RAB6B: variants seen among roughly 807,000 people sequenced by gnomAD.
RAB6B encodes the protein RAB6B, member RAS oncogene family.
A neutral mutation model predicts 31.2 loss-of-function variants in RAB6B; 7 were observed. The observed-to-expected ratio is 0.22, with a 90% CI of 0.13 to 0.42. RAB6B has a LOEUF of 0.42. RAB6B is among the 10% of genes least tolerant of loss of function. The pLI is 1.00. For missense variants in RAB6B, 149 were observed against 280.6 expected (o/e 0.53, Z 3.35); for synonymous variants, 105 against 104.9 (o/e 1.00, Z -0.01).
chr3:133,844,960 G>A (rs1435763391), intron 2 of RAB6B, among the ~76,000 whole-genome samples: 12 of 130,930 alleles, frequency 9.2e-5, no homozygotes, highest in Non-Finnish European at 3.3e-5. Context: ...AAAAAAAAAA[G>A]TAGGTAGGAG....
At chr3:133,863,998 AC>A (rs1936198178) in intron 2 of RAB6B, among the ~76,000 whole-genome samples, 1 of 151,820 alleles carries the variant, frequency 6.6e-6, no homozygotes. Flanking sequence ...CCTCTGGTTG[AC>A]CCCAGACTAC....
chr3:133,865,424 C>T (rs978402720), intron 1 of RAB6B, among the ~76,000 whole-genome samples: 4 of 152,262 alleles, frequency 2.6e-5, no homozygotes, highest in African/African-American at 7.2e-5. Context: ...CTTCTGACCT[C>T]ACCCTGTGCA....
chr3:133,839,963 A>C (rs1322951061), intron 4 of RAB6B, among the ~76,000 whole-genome samples: 1 of 151,954 alleles, frequency 6.6e-6, no homozygotes, highest in Non-Finnish European at 1.5e-5. Context: ...GGAGAGTGAG[A>C]ACTGGGTCAC....
chr3:133,834,706 C>T lies in RAB6B; in HGVS notation c.496-65G>A, dbSNP rs1287254984. On this transcript the variant is annotated intron_variant, in intron 6 of 7. Coordinates refer to ENST00000285208, the MANE Select transcript of RAB6B (RefSeq NM_016577.4). ...GCCCTCCCCTCTGCTCCTCACTGCA[C>T]CTGCACCCTCACCCCTCTTCCCCTC... 5 of 1,435,918 alleles carry T rather than the reference C, an allele frequency of 3.5e-6. No individual in the cohort carries two copies. In the African/African-American group the frequency reaches 7.0e-5, roughly 20 times the overall value. 88.9% of individuals were successfully genotyped at this position (1,435,918 alleles called of 1,614,324 possible). A position where few individuals can be genotyped will look rare whatever the true frequency, so the allele number is the denominator to read the frequency against.
intron 2 of RAB6B, among the ~76,000 whole-genome samples, chr3:133,855,428 C>G (rs1440487528): frequency 2.0e-5 from 3 of 152,204 alleles, no homozygotes; most frequent in East Asian, 3.8e-4. Flanking sequence ...TAGTCACCAC[C>G]CAATTTAAAT....
intron 2 of RAB6B, among the ~76,000 whole-genome samples, chr3:133,858,680 C>T (rs1017341514): frequency 7.9e-5 from 12 of 152,282 alleles, no homozygotes; most frequent in South Asian, 2.1e-4. Flanking sequence ...TCCCATGCTG[C>T]GATACTTGGG....
At chr3:133,881,396 C>G (rs1199375073) in intron 1 of RAB6B, among the ~76,000 whole-genome samples, 1 of 152,216 alleles carries the variant, frequency 6.6e-6, no homozygotes, top group Non-Finnish European at 1.5e-5. Context: ...TCAGAGACTG[C>G]TCTTCTTACT....
intron 2 of RAB6B, among the ~76,000 whole-genome samples, chr3:133,843,083 T>C (rs1335908177): frequency 6.6e-6 from 1 of 152,250 alleles, no homozygotes; most frequent in African/African-American, 2.4e-5. Flanking sequence ...CACAAAGGAC[T>C]GAGACTGGCT....
chr3:133,882,183 C>T (rs1936474998), intron 1 of RAB6B, among the ~76,000 whole-genome samples: 1 of 152,190 alleles, frequency 6.6e-6, no homozygotes, highest in Admixed American at 6.5e-5. Flanking sequence ...CCACGTGACC[C>T]CCTCACAGGC....
At chr3:133,846,378 C>T (rs1302534115) in intron 2 of RAB6B, among the ~76,000 whole-genome samples, 1 of 152,150 alleles carries the variant, frequency 6.6e-6, no homozygotes, top group Non-Finnish European at 1.5e-5. Flanking sequence ...ATCTGGGAGG[C>T]AGAGGTTGCA....
intron 2 of RAB6B, among the ~76,000 whole-genome samples, chr3:133,850,975 T>A (rs1169973326): frequency 1.0e-4 from 12 of 119,686 alleles, no homozygotes; most frequent in African/African-American, 9.5e-5. Flanking sequence ...TGGAAAAAAA[T>A]GGAAGCTAGA....
In RAB6B at chr3:133,827,924, A is replaced by G. The variant is rs1935595637; in HGVS notation, c.*864T>C. On this transcript the variant is annotated 3_prime_UTR_variant, in exon 8 of 8. Transcript: ENST00000285208. ...GGTGGGCTGGTTAAAATATTTTCAG[A>G]AGTACACATGGCACCCCAGTCTATA... The G allele has an allele frequency of 2.8e-6, 2 of 702,770 alleles. No individual in the cohort carries two copies. The highest frequency in any genetic ancestry group is 5.4e-5 in the East Asian group (2 of 37,270). 43.5% of individuals were successfully genotyped at this position (702,770 alleles called of 1,614,324 possible). A position where few individuals can be genotyped will look rare whatever the true frequency, so the allele number is the denominator to read the frequency against.
At chr3:133,871,862 T>G (rs1439892727) in intron 1 of RAB6B, among the ~76,000 whole-genome samples, 1 of 152,154 alleles carries the variant, frequency 6.6e-6, no homozygotes, top group Non-Finnish European at 1.5e-5. Context: ...GCATCCACAC[T>G]TACCACACAC....
intron 2 of RAB6B, among the ~76,000 whole-genome samples, chr3:133,845,820 C>A (rs1347456245): frequency 2.0e-5 from 3 of 151,846 alleles, no homozygotes; most frequent in African/African-American, 7.2e-5. Context: ...CCTACATGAT[C>A]CAAATGTTGA....
In RAB6B at chr3:133,895,569, G is replaced by T. The variant is rs1481218842; in HGVS notation, c.-103C>A. 1.7e-6 allele frequency: 2 copies of T among 1,166,444 alleles called. No homozygotes were observed. The highest frequency in any genetic ancestry group is 3.1e-5 in the African/African-American group (2 of 65,570). The allele number at this position is 1,166,444 out of a possible 1,614,324, so 72.3% of individuals were successfully genotyped here. On this transcript the variant is annotated 5_prime_UTR_variant, in exon 1 of 8. Coordinates refer to ENST00000285208, the MANE Select transcript of RAB6B (RefSeq NM_016577.4). The stretch of plus-strand genomic sequence containing the variant: ...GGAGGCGGCCGGCGGTGCGGGAGCC[G>T]GAGGGGGAAGGGCTGGCTGCGCGCG...
intron 1 of RAB6B, among the ~76,000 whole-genome samples, chr3:133,880,000 T>C (rs1407867781): frequency 1.3e-5 from 2 of 152,184 alleles, no homozygotes; most frequent in Non-Finnish European, 2.9e-5. Context: ...AACCCAACTC[T>C]GGCCAGACCC....
At chr3:133,854,453 C>A (rs1327582518) in intron 2 of RAB6B, among the ~76,000 whole-genome samples, 1 of 152,238 alleles carries the variant, frequency 6.6e-6, no homozygotes, top group East Asian at 1.9e-4. Context: ...ATCCCTATGA[C>A]CCTCCTCTCC....
In RAB6B at chr3:133,889,388, T is replaced by TTTTATATATA. The variant is rs1277081488; in HGVS notation, c.70+6008_70+6009insTATATATAAA. ...ACAAAAGGACAATAAGGTTATTTTG[T>TTTTATATATA]TATATATATATATATATATATATAT... On this transcript the variant is annotated intron_variant, in intron 1 of 7. Coordinates refer to ENST00000285208, the MANE Select transcript of RAB6B (RefSeq NM_016577.4). Among the ~76,000 whole-genome samples the TTTTATATATA allele has an allele frequency of 3.7e-4, 30 of 80,272 alleles. 2 individuals are homozygous for TTTTATATATA. Among genetic ancestry groups the TTTTATATATA allele is most frequent in the East Asian group, 8.9e-4 (2 of 2,250 alleles). The allele number at this position is 80,272 out of a possible 152,430, so 52.7% of individuals were successfully genotyped here.
At position 133,841,666 on chromosome 3, in the gene RAB6B, G is replaced by A; in HGVS notation, c.130-3C>T. ...AAGAAGTCAATCCCAATGGTTGCCT[G>A]TTAGAGAAAAGCACAGAACGGTCAA... On this transcript the variant is annotated splice_polypyrimidine_tract_variant and splice_region_variant and intron_variant, in intron 2 of 7. Coordinates refer to ENST00000285208, the MANE Select transcript of RAB6B (RefSeq NM_016577.4). The A allele has an allele frequency of 6.2e-7, 1 of 1,614,000 alleles. No individual in the cohort carries two copies. Among genetic ancestry groups the A allele is most frequent in the Non-Finnish European group, 8.5e-7 (1 of 1,179,942 alleles).
Sources: gnomAD v4.1 joint callset for allele counts (sites outside exome capture counted in the v4.1 genomes callset) on GRCh38, gnomAD v4.1.1 for gene constraint, MANE v1.5 for transcripts, NCBI Gene and HGNC (gene_info 2026-07-23, HGNC 2026-07-21) for gene names.